Variants in PCSK5 observed in about 807,000 individuals in gnomAD.
The protein encoded by PCSK5 is prohormone convertase 5.
PCSK5 carries 129 observed loss-of-function variants against 233.2 expected under a neutral mutation model. The observed-to-expected ratio is 0.55, with a 90% confidence interval of 0.48 to 0.64. PCSK5 has a LOEUF of 0.64. Among genes scored for constraint, PCSK5 ranks in the 30% least tolerant of loss-of-function variants. PCSK5 has a pLI of 0.00. For synonymous variants in PCSK5, 825 were observed against 879.2 expected (o/e 0.94, Z 1.09); for missense variants, 2,076 against 2,430.1 (o/e 0.85, Z 3.06).
At chr9:76,175,726 A>G (rs1587719999) in intron 14 of PCSK5, among the ~76,000 whole-genome samples, 2 of 152,178 alleles carry the variant, frequency 1.3e-5, no homozygotes, top group East Asian at 3.9e-4. Flanking sequence ...ATTGTTTATT[A>G]CACTCATTCC....
At chr9:76,188,143 GT>G (rs1451122381) in intron 17 of PCSK5, among the ~76,000 whole-genome samples, 1 of 152,194 alleles carries the variant, frequency 6.6e-6, no homozygotes, top group East Asian at 1.9e-4. Context: ...ATTGTACCAT[GT>G]GTTCCTACTG....
chr9:76,019,815 A>G (rs935855349), intron 3 of PCSK5, among the ~76,000 whole-genome samples: 1 of 152,210 alleles, frequency 6.6e-6, no homozygotes, highest in Admixed American at 6.5e-5. Flanking sequence ...CTAAAAAAGT[A>G]CAAGCTGATA....
At chr9:76,173,495 C>CTTTTTTTTTTTTTTTTTTTTTTTT (rs1587715951) in intron 13 of PCSK5, among the ~76,000 whole-genome samples, 12 of 34,600 alleles carry the variant, frequency 3.5e-4, no homozygotes, top group Middle Eastern at 0.019. Context: ...AGGCACGTTT[C>CTTTTTTTTTTTTTTTTTTTTTTTT]CTTTTTTTTT....
At chr9:76,030,647 T>G (rs1828616018) in intron 5 of PCSK5, among the ~76,000 whole-genome samples, 1 of 152,338 alleles carries the variant, frequency 6.6e-6, no homozygotes, top group East Asian at 1.9e-4. Flanking sequence ...TCCTGCATGA[T>G]TTTAATACAT....
At chr9:75,952,222 T>C (rs1587410852) in intron 2 of PCSK5, among the ~76,000 whole-genome samples, 1 of 152,210 alleles carries the variant, frequency 6.6e-6, no homozygotes, top group African/African-American at 2.4e-5. Context: ...TATTTGTTTA[T>C]GCTTTTTCTT....
intron 24 of PCSK5, among the ~76,000 whole-genome samples, chr9:76,252,200 G>A (rs890272602): frequency 3.9e-5 from 6 of 152,132 alleles, no homozygotes; most frequent in Non-Finnish European, 5.9e-5. Flanking sequence ...CCTGGGAGGC[G>A]GAGCTTGCAG....
chr9:75,941,339 A>G (rs1352582484), intron 2 of PCSK5, among the ~76,000 whole-genome samples: 1 of 152,038 alleles, frequency 6.6e-6, no homozygotes, highest in Non-Finnish European at 1.5e-5. Flanking sequence ...GTTTCTGCAC[A>G]ATGAGGGTGG....
chr9:76,115,055 C>CA (rs1037603991), intron 9 of PCSK5, among the ~76,000 whole-genome samples: 2 of 151,672 alleles, frequency 1.3e-5, no homozygotes, highest in African/African-American at 4.8e-5. Context: ...TTGGGAAAAG[C>CA]AAAAAAATCA....
chr9:76,092,606 C>G (rs1831341566), intron 7 of PCSK5, among the ~76,000 whole-genome samples: 1 of 152,156 alleles, frequency 6.6e-6, no homozygotes, highest in Non-Finnish European at 1.5e-5. Context: ...GCTATGTTGC[C>G]CAGGCTTATC....
rs1245180095 is a variant in PCSK5, at chr9:76,322,980, T to G, written c.4103-72T>G. 3 of 805,950 alleles carry G rather than the reference T, an allele frequency of 3.7e-6. No homozygotes were observed. The South Asian group carries it at 4.8e-5, about 13-fold the overall frequency. 49.9% of individuals were successfully genotyped at this position (805,950 alleles called of 1,614,324 possible). A position where few individuals can be genotyped will look rare whatever the true frequency, so the allele number is the denominator to read the frequency against. Reference sequence around the variant, plus strand: ...TCAACCAAAGTGCTGAGGGAGGAGCTAGCCTACTGCAGACAATGAATTCCT... The same window carrying G: ...TCAACCAAAGTGCTGAGGGAGGAGCGAGCCTACTGCAGACAATGAATTCCT... On this transcript the variant is annotated intron_variant, in intron 31 of 37. Coordinates refer to ENST00000674117, the MANE Select transcript of PCSK5 (RefSeq NM_001372043.1).
intron 12 of PCSK5, among the ~76,000 whole-genome samples, chr9:76,161,266 T>A (rs1822839708): frequency 6.6e-6 from 1 of 152,072 alleles, no homozygotes; most frequent in African/African-American, 2.4e-5. Flanking sequence ...GCTGGGCACT[T>A]CCTCATGTCC....
rs747315774 is a variant in PCSK5 at position 76,358,525 on chromosome 9, T to C, written c.5267T>C (p.Leu1756Pro). Reference sequence around the variant, plus strand: ...CTTCTTCCAACAGACGAATGCATCCTTCGAACAAGCAAGGTTAGGCCTGCA... The same window carrying C: ...CTTCTTCCAACAGACGAATGCATCCCTCGAACAAGCAAGGTTAGGCCTGCA... Reference protein sequence around the residue: ...DCQDTTDECILRTSKVRPATE... With the variant: ...DCQDTTDECIPRTSKVRPATE... The change falls in exon 38 of 38, where the codon CTT becomes CCT. Residue 1756 changes from leucine to proline, a missense_variant. Coordinates refer to ENST00000674117, the MANE Select transcript of PCSK5 (RefSeq NM_001372043.1). 22 of 1,609,144 alleles carry C rather than the reference T, an allele frequency of 1.4e-5. No homozygotes were observed. The highest frequency in any genetic ancestry group is 1.9e-5 in the Non-Finnish European group (22 of 1,176,824).
chr9:76,083,770 A>G (rs116164004), intron 7 of PCSK5, among the ~76,000 whole-genome samples: 2 of 152,380 alleles, frequency 1.3e-5, no homozygotes, highest in African/African-American at 4.8e-5. Context: ...GAACATACAC[A>G]TATTTCCCCA....
At chr9:76,281,781 T>C (rs1369093203) in intron 24 of PCSK5, among the ~76,000 whole-genome samples, 1 of 152,218 alleles carries the variant, frequency 6.6e-6, no homozygotes, top group Non-Finnish European at 1.5e-5. Context: ...CCTGGGTTTC[T>C]AGAACTACAG....
intron 30 of PCSK5, among the ~76,000 whole-genome samples, chr9:76,313,083 C>A (rs1828911916): frequency 6.6e-6 from 1 of 152,124 alleles, no homozygotes; most frequent in Admixed American, 6.5e-5. Flanking sequence ...CACAAGAATT[C>A]TCTTATCCAC....
chr9:76,336,492 C>A (rs1403143071), intron 34 of PCSK5, among the ~76,000 whole-genome samples: 1 of 152,090 alleles, frequency 6.6e-6, no homozygotes, highest in African/African-American at 2.4e-5. Flanking sequence ...GCTTGCAAAC[C>A]TTTGTTTGCC....
chr9:76,340,593 C>T (rs898793661), intron 35 of PCSK5, among the ~76,000 whole-genome samples: 1 of 135,580 alleles, frequency 7.4e-6, no homozygotes. Flanking sequence ...TGCAGTGAGC[C>T]GAGATTGCGC....
In PCSK5 at chr9:76,359,084, G is replaced by A. The variant is rs905726684; in HGVS notation, c.*162G>A. On this transcript the variant is annotated 3_prime_UTR_variant, in exon 38 of 38. Transcript: ENST00000674117. Reference sequence around the variant, plus strand: ...ATATGTAAGAATGATGAAATACTTTGTTCTTCTTTTGAGTGGCTAAACTCA... The same window carrying A: ...ATATGTAAGAATGATGAAATACTTTATTCTTCTTTTGAGTGGCTAAACTCA... The A allele has an allele frequency of 1.6e-6, 1 of 609,056 alleles. No individual in the cohort carries two copies. The highest frequency in any genetic ancestry group is 2.9e-6 in the Non-Finnish European group (1 of 348,368). The allele number at this position is 609,056 out of a possible 1,614,324, so 37.7% of individuals were successfully genotyped here.
chr9:75,903,590 AAT>A (rs1564071259), intron 1 of PCSK5, among the ~76,000 whole-genome samples: 2 of 122,746 alleles, frequency 1.6e-5, no homozygotes, highest in Admixed American at 7.8e-5. Context: ...ATATATATAA[AAT>A]ATATATTATA....
Sources: allele counts gnomAD v4.1 joint callset (sites outside exome capture counted in the v4.1 genomes callset), GRCh38; gene constraint gnomAD v4.1.1; transcripts MANE v1.5; gene names NCBI Gene and HGNC (gene_info 2026-07-23, HGNC 2026-07-21).